Variants in LARGE1 observed in about 807,000 individuals in gnomAD.
LARGE1 encodes LARGE xylosyl- and glucuronyltransferase 1, also known as xylosyl- and glucuronyltransferase LARGE1.
LARGE1 carries 43 observed loss-of-function variants against 87.6 expected under a neutral mutation model. The ratio of observed to expected loss-of-function variants is 0.49; its 90% CI spans 0.38 to 0.63. The LOEUF (loss-of-function observed/expected upper bound fraction) is 0.63, where lower values mean the gene tolerates loss of function less well. Among genes scored for constraint, LARGE1 ranks in the 30% least tolerant of loss-of-function variants. The pLI, the probability that LARGE1 is intolerant of heterozygous loss-of-function variation, is 0.00. For synonymous variants in LARGE1, 434 were observed against 394.6 expected (o/e 1.10, Z -1.18); for missense variants, 802 against 1,000.2 (o/e 0.80, Z 2.67).
At chr22:33,498,555 G>C (rs1187642584) in intron 6 of LARGE1, among the ~76,000 whole-genome samples, 1 of 152,160 alleles carries the variant, frequency 6.6e-6, no homozygotes, top group African/African-American at 2.4e-5. Flanking sequence ...ACACCTAAGG[G>C]TTGGCATATC....
chr22:33,416,279 T>C (rs570285266), intron 7 of LARGE1, among the ~76,000 whole-genome samples: 46 of 152,184 alleles, frequency 3.0e-4, no homozygotes, highest in Non-Finnish European at 6.0e-4. Context: ...TGTGTGCTGC[T>C]CTGGCCATCC....
At chr22:33,743,192 C>G (rs2083952471) in intron 2 of LARGE1, 1 of 152,136 alleles carries the variant, frequency 6.6e-6, no homozygotes, top group African/African-American at 2.4e-5. Flanking sequence ...GTATAGCCTA[C>G]ACAACCGTGA....
chr22:33,717,552 G>A (rs531388977), intron 2 of LARGE1, among the ~76,000 whole-genome samples: 1 of 152,238 alleles, frequency 6.6e-6, no homozygotes, highest in East Asian at 1.9e-4. Flanking sequence ...AGAGGAGCCC[G>A]TAAAGATCAA....
intron 7 of LARGE1, among the ~76,000 whole-genome samples, chr22:33,404,417 T>C (rs1199730215): frequency 2.0e-5 from 3 of 152,204 alleles, no homozygotes; most frequent in East Asian, 1.9e-4. Flanking sequence ...CAATAAATGT[T>C]AGCTAGGACT....
At chr22:33,714,011 CAT>C (rs1454501357) in intron 2 of LARGE1, among the ~76,000 whole-genome samples, 1 of 151,636 alleles carries the variant, frequency 6.6e-6, no homozygotes, top group Non-Finnish European at 1.5e-5. Flanking sequence ...CATAACATAA[CAT>C]AACATAACAT....
intron 11 of LARGE1, among the ~76,000 whole-genome samples, chr22:33,227,336 G>A (rs1001130217): frequency 2.0e-5 from 3 of 152,110 alleles, no homozygotes; most frequent in African/African-American, 7.2e-5. Flanking sequence ...ACAGAGGGAG[G>A]GCCAATCCCA....
chr22:33,144,425 T>C, the LARGE1 span, among the ~76,000 whole-genome samples: 1 of 152,160 alleles, frequency 6.6e-6, no homozygotes, highest in Non-Finnish European at 1.5e-5. Flanking sequence ...ACAGAATTAT[T>C]GATTCTATAG....
intron 3 of LARGE1, among the ~76,000 whole-genome samples, chr22:33,634,234 T>C (rs2080196038): frequency 6.6e-6 from 1 of 152,142 alleles, no homozygotes; most frequent in Admixed American, 6.5e-5. Flanking sequence ...GCTCTCCAAC[T>C]CCAGTATGCA....
chr22:33,212,115 C>T (rs987341634), intron 11 of LARGE1, among the ~76,000 whole-genome samples: 2 of 151,970 alleles, frequency 1.3e-5, no homozygotes, highest in East Asian at 1.9e-4. Flanking sequence ...GCTAAAATCA[C>T]GGATGAAGGT....
chr22:33,632,414 G>A (rs995892493), intron 3 of LARGE1, among the ~76,000 whole-genome samples: 10 of 152,132 alleles, frequency 6.6e-5, no homozygotes, highest in African/African-American at 1.4e-4. Context: ...ATGAGCCACC[G>A]TGCCTGGTTG....
chr22:33,736,668 T>C (rs1242264189), intron 2 of LARGE1, among the ~76,000 whole-genome samples: 2 of 152,242 alleles, frequency 1.3e-5, no homozygotes, highest in Non-Finnish European at 2.9e-5. Context: ...TTTCTTTTGT[T>C]GGTTGTGCTT....
At chr22:33,370,844 G>T (rs915306017) in intron 9 of LARGE1, among the ~76,000 whole-genome samples, 9 of 148,158 alleles carry the variant, frequency 6.1e-5, no homozygotes, top group African/African-American at 2.2e-4. Context: ...TTAAATAATT[G>T]ATATTAATAT....
chr22:33,422,377 T>G (rs2066723066), intron 7 of LARGE1, among the ~76,000 whole-genome samples: 1 of 152,190 alleles, frequency 6.6e-6, no homozygotes, highest in Non-Finnish European at 1.5e-5. Flanking sequence ...AGAAGTATGG[T>G]GCTGGCATCT....
At chr22:33,392,508 A>G (rs2147221743) in intron 7 of LARGE1, among the ~76,000 whole-genome samples, 1 of 152,198 alleles carries the variant, frequency 6.6e-6, no homozygotes, top group African/African-American at 2.4e-5. Context: ...AAAATACAAA[A>G]ATTAGCCAGA....
chr22:33,719,681 T>G (rs1432225464), intron 2 of LARGE1, among the ~76,000 whole-genome samples: 1 of 151,988 alleles, frequency 6.6e-6, no homozygotes, highest in Non-Finnish European at 1.5e-5. Context: ...CCACAACGCC[T>G]GGCTAATTTT....
At chr22:33,460,732 A>C (rs1041688168) in intron 6 of LARGE1, among the ~76,000 whole-genome samples, 67 of 152,330 alleles carry the variant, frequency 4.4e-4, no homozygotes, top group African/African-American at 1.4e-3. Flanking sequence ...AGGATTACAT[A>C]AAAACACCCT....
intron 1 of LARGE1, among the ~76,000 whole-genome samples, chr22:33,877,779 G>A (rs374170132): frequency 1.1e-4 from 16 of 151,896 alleles, no homozygotes; most frequent in East Asian, 9.7e-4. Flanking sequence ...AAAATTAGCC[G>A]GGCGTGATGG....
At chr22:33,400,697 G>A (rs753529499) in intron 7 of LARGE1, among the ~76,000 whole-genome samples, 1 of 152,124 alleles carries the variant, frequency 6.6e-6, no homozygotes, top group African/African-American at 2.4e-5. Flanking sequence ...CGAAAGGGCA[G>A]GAAGCTTTCT....
At chr22:33,468,400 A>G (rs2068701916) in intron 6 of LARGE1, among the ~76,000 whole-genome samples, 1 of 152,132 alleles carries the variant, frequency 6.6e-6, no homozygotes, top group African/African-American at 2.4e-5. Context: ...TCAGGAATTC[A>G]AGGTCAGCCT....
Sources: allele counts gnomAD v4.1 joint callset (sites outside exome capture counted in the v4.1 genomes callset), GRCh38; gene constraint gnomAD v4.1.1; transcripts MANE v1.5; gene names NCBI Gene and HGNC (gene_info 2026-07-23, HGNC 2026-07-21).